The following KLHL4 variants were observed in gnomAD, a reference collection of about 807,000 sequenced individuals.
KLHL4 encodes kelch-like protein 4.
KLHL4 carries 17 observed loss-of-function variants against 45.8 expected under a neutral mutation model. The observed-to-expected ratio is 0.37, with a 90% CI of 0.25 to 0.56. The LOEUF is 0.56. KLHL4 is among the 20% of genes least tolerant of loss of function. KLHL4 has a pLI of 0.79. For missense variants in KLHL4, 544 were observed against 544.9 expected, an observed-to-expected ratio of 1.00 and a Z score of 0.02; for synonymous variants, 224 against 189.9, an observed-to-expected ratio of 1.18 and a Z score of -1.47.
At chrX:87,633,230 A>C (rs1039062439) in intron 7 of KLHL4, among the ~76,000 whole-genome samples, 2 of 111,899 alleles carry the variant, frequency 1.8e-5, no homozygotes, top group African/African-American at 6.5e-5. Context: ...CGAAGCAGAA[A>C]TGGGCTATTC....
intron 9 of KLHL4, among the ~76,000 whole-genome samples, chrX:87,657,792 A>G (rs1301259682): frequency 4.5e-5 from 5 of 111,577 alleles, no homozygotes; most frequent in Non-Finnish European, 9.4e-5. Context: ...TGCTTTGCCT[A>G]TGAGGTGGGT....
chrX:87,666,224 G>A (rs1032610626), intron 10 of KLHL4, among the ~76,000 whole-genome samples: 3 of 110,912 alleles, frequency 2.7e-5, no homozygotes, highest in African/African-American at 6.5e-5. Context: ...TTTTTCAAGT[G>A]AGAATATTAT....
chrX:87,636,685 T>C (rs1361013588), intron 9 of KLHL4, among the ~76,000 whole-genome samples: 1 of 109,600 alleles, frequency 9.1e-6, no homozygotes, highest in Non-Finnish European at 1.9e-5. Flanking sequence ...GGGAGCTGGG[T>C]GAGGCCTGTG....
At chrX:87,653,150 T>C (rs1357373753) in intron 9 of KLHL4, among the ~76,000 whole-genome samples, 1 of 111,819 alleles carries the variant, frequency 8.9e-6, no homozygotes, top group African/African-American at 3.3e-5. Flanking sequence ...GGAGCTACAA[T>C]TCAAGATGAG....
rs200498506 is a variant in KLHL4, at chrX:87,518,063, G to T, written c.170G>T (p.Arg57Leu). ...PVQGRLKSHS[R>L]DRNGLKKSNS... is the part of the protein sequence containing the mutation. The stretch of plus-strand genomic sequence containing the variant: ...CAGGGCAGGTTGAAGAGCCACTCTC[G>T]GGACAGAAACGGACTGAAGAAAAGC... Residue 57 changes from arginine to leucine, a missense_variant, in exon 1 of 11, where the codon CGG (arginine) becomes CTG (leucine). Coordinates refer to ENST00000373119, the MANE Select transcript of KLHL4 (RefSeq NM_019117.5). 19 of 1,209,922 alleles carry T rather than the reference G, an allele frequency of 1.6e-5. No homozygotes were observed. In the Admixed American group the frequency reaches 4.2e-4, roughly 26 times the overall value.
chrX:87,524,622 T>C (rs1931073096), intron 1 of KLHL4, among the ~76,000 whole-genome samples: 1 of 111,162 alleles, frequency 9.0e-6, no homozygotes, highest in East Asian at 2.8e-4. Context: ...TCTGAGAAAC[T>C]GTCACAATCA....
In KLHL4 at chrX:87,518,485, A is replaced by G. The variant is rs1250775027; in HGVS notation, c.422+170A>G. Among the ~76,000 whole-genome samples the G allele has an allele frequency of 2.7e-5, 3 of 112,160 alleles. No homozygotes were observed. In the East Asian group the frequency reaches 8.4e-4, roughly 31 times the overall value. ...TCTAAGTTTATAAAAGAAAACAGCA[A>G]TAATGAATACGTCTTTATAATTACC... On this transcript the variant is annotated intron_variant, in intron 1 of 10. Coordinates refer to ENST00000373119, the MANE Select transcript of KLHL4 (RefSeq NM_019117.5).
At chrX:87,627,500 A>G (rs928189312) in intron 6 of KLHL4, among the ~76,000 whole-genome samples, 4 of 111,929 alleles carry the variant, frequency 3.6e-5, no homozygotes, top group African/African-American at 1.3e-4. Flanking sequence ...TGCAAATGCA[A>G]TTATTTGCAG....
At chrX:87,637,378 A>G (rs1373487542) in intron 9 of KLHL4, among the ~76,000 whole-genome samples, 3 of 111,470 alleles carry the variant, frequency 2.7e-5, no homozygotes, top group African/African-American at 9.8e-5. Flanking sequence ...GTCTACCCAA[A>G]TGAGAAGGAA....
intron 1 of KLHL4, among the ~76,000 whole-genome samples, chrX:87,531,131 A>C (rs1318929740): frequency 1.8e-5 from 2 of 109,453 alleles, no homozygotes; most frequent in Non-Finnish European, 3.8e-5. Flanking sequence ...TTTTCTTGTA[A>C]ATTTGTTTGA....
At position 87,666,590 on chromosome X, in the gene KLHL4, G is replaced by A. The variant is rs1045652988; in HGVS notation, c.*56G>A. 18 of 1,072,411 alleles carry A rather than the reference G, an allele frequency of 1.7e-5. No homozygotes were observed. The highest frequency in any genetic ancestry group is 3.3e-4 in the Middle Eastern group (1 of 3,003). 88.4% of individuals were successfully genotyped at this position (1,072,411 alleles called of 1,213,427 possible). ...CTAGATAATTTCAAGAAACTGAGTA[G>A]GACAAAGGGAGAAAGAAATACATGT... On this transcript the variant is annotated 3_prime_UTR_variant, in exon 11 of 11. Transcript: ENST00000373119.
chrX:87,625,814 T>C lies in KLHL4; in HGVS notation c.1324+18T>C. On this transcript the variant is annotated intron_variant, in intron 6 of 10. Transcript: ENST00000373119. ...TATGAAAGGTAAAAATAACTTAGAG[T>C]GTCTTCATTCAAAAAAGATACATTC... 1 of 1,144,393 alleles carries C rather than the reference T, an allele frequency of 8.7e-7. No individual in the cohort carries two copies. The highest frequency in any genetic ancestry group is 2.0e-5 in the South Asian group (1 of 50,642). 94.3% of individuals were successfully genotyped at this position (1,144,393 alleles called of 1,213,427 possible).
rs184879704 is a variant in KLHL4 at position 87,523,827 on chromosome X, G to T, written c.422+5512G>T. ...AAAATACAAAAATTAGCCAGACGTG[G>T]TGGCAGGCACCTGTAATCCCAGCTA... On this transcript the variant is annotated intron_variant, in intron 1 of 10. Transcript: ENST00000373119. 7.9e-3 allele frequency among the ~76,000 whole-genome samples: 873 copies of T among 110,699 alleles called. 11 individuals are homozygous for T. The highest frequency in any genetic ancestry group is 0.027 in the African/African-American group (818 of 30,423).
At position 87,624,712 on chromosome X, in the gene KLHL4, C is replaced by T. The variant is rs184289403; in HGVS notation, c.1138-898C>T. ...ACATTCTGAAATATACTCTTGAATTCTCTCCAATTCATCTCATGAAAAATA... is the reference window on the plus strand; with the variant it reads ...ACATTCTGAAATATACTCTTGAATTTTCTCCAATTCATCTCATGAAAAATA... On this transcript the variant is annotated intron_variant, in intron 5 of 10. Coordinates refer to ENST00000373119, the MANE Select transcript of KLHL4 (RefSeq NM_019117.5). Among the ~76,000 whole-genome samples the T allele has an allele frequency of 4.2e-4, 47 of 111,969 alleles. No individual in the cohort carries two copies. In the East Asian group the frequency reaches 6.5e-3, roughly 16 times the overall value.
intron 6 of KLHL4, 24 bp downstream of exon 6, chrX:87,625,820 C>A: frequency 3.6e-6 from 4 of 1,124,820 alleles, no homozygotes; most frequent in Non-Finnish European, 4.8e-6. Context: ...AGAGTGTCTT[C>A]ATTCAAAAAA....
rs1409997702 is a variant in KLHL4 at position 87,622,415 on chromosome X, C to T, written c.1129C>T (p.Pro377Ser). Residue 377 changes from proline to serine, a missense_variant, in exon 5 of 11, where the codon CCA (proline) becomes TCA (serine). Pro to Ser is a moderately conservative substitution (Grantham distance 74). Transcript: ENST00000373119. ...LLSYIRLPLL[P>S]PQLLADLETS... Reference sequence around the variant, plus strand: ...TTCTTACATCAGACTGCCATTACTCCCACCACAGGTATGGAAAATTACCTA... The same window carrying T: ...TTCTTACATCAGACTGCCATTACTCTCACCACAGGTATGGAAAATTACCTA... 4.2e-6 allele frequency: 5 copies of T among 1,178,875 alleles called. No individual in the cohort carries two copies. The highest frequency in any genetic ancestry group is 5.7e-6 in the Non-Finnish European group (5 of 871,681).
At chrX:87,577,615 A>G (rs1353717844) in intron 1 of KLHL4, among the ~76,000 whole-genome samples, 1 of 111,924 alleles carries the variant, frequency 8.9e-6, no homozygotes, top group East Asian at 2.8e-4. Context: ...TTTTATTTTC[A>G]TATTGAAAAT....
rs895367569 is a variant in KLHL4 at position 87,625,852 on chromosome X, A to T, written c.1324+56A>T. 2.8e-4 allele frequency: 264 copies of T among 947,463 alleles called. 1 individual carries two copies. The highest frequency in any genetic ancestry group is 3.7e-4 in the Non-Finnish European group (252 of 682,292). 78.1% of individuals were successfully genotyped at this position (947,463 alleles called of 1,213,427 possible). A position where few individuals can be genotyped will look rare whatever the true frequency, so the allele number is the denominator to read the frequency against. On this transcript the variant is annotated intron_variant, in intron 6 of 10. Coordinates refer to ENST00000373119, the MANE Select transcript of KLHL4 (RefSeq NM_019117.5). ...AAAAGATACATTCTTAACAGCCTCC[A>T]AATTATAAGGGTGATATTAAAGCCA... is the stretch of plus-strand genomic sequence containing the variant.
intron 9 of KLHL4, among the ~76,000 whole-genome samples, chrX:87,648,932 T>C (rs1381539731): frequency 9.0e-6 from 1 of 111,722 alleles, no homozygotes; most frequent in Non-Finnish European, 1.9e-5. Flanking sequence ...ATGTACTAGA[T>C]TCAAATATAT....
Sources: gnomAD v4.1 joint callset for allele counts (sites outside exome capture counted in the v4.1 genomes callset) on GRCh38, gnomAD v4.1.1 for gene constraint, MANE v1.5 for transcripts, NCBI Gene and HGNC (gene_info 2026-07-23, HGNC 2026-07-21) for gene names.